Variants in CNTLN observed in about 807,000 individuals in gnomAD.
CNTLN encodes the protein centlein.
CNTLN carries 212 observed loss-of-function variants against 180.0 expected under a neutral mutation model. The observed-to-expected ratio is 1.18, with a 90% CI of 1.05 to 1.32. The LOEUF (loss-of-function observed/expected upper bound fraction) is 1.32, where lower values mean the gene tolerates loss of function less well. Among genes scored for constraint, CNTLN ranks in the 40% most tolerant of loss-of-function variants. The pLI, the probability that CNTLN is intolerant of heterozygous loss-of-function variation, is 0.00. For missense variants in CNTLN, 2,095 were observed against 1,610.9 expected (o/e 1.30, Z -5.14); for synonymous variants, 722 against 563.1 (o/e 1.28, Z -3.99).
the CNTLN span, among the ~76,000 whole-genome samples, chr9:17,516,601 GC>G: frequency 2.0e-5 from 3 of 151,990 alleles, no homozygotes; most frequent in African/African-American, 4.8e-5. Context: ...ATTCTTCTTG[GC>G]CCCCCCTGGA....
At chr9:17,192,155 A>G (rs1821828249) in intron 2 of CNTLN, among the ~76,000 whole-genome samples, 1 of 147,696 alleles carries the variant, frequency 6.8e-6, no homozygotes, top group Admixed American at 6.7e-5. Context: ...TATATTGAGT[A>G]TTTATTATGG....
At chr9:17,462,867 A>C in intron 19 of CNTLN, 49 bp from the exon 20 acceptor site, 2 of 966,126 alleles carry the variant, frequency 2.1e-6, no homozygotes, top group South Asian at 4.1e-5. Flanking sequence ...ATGCTGCCTT[A>C]GACCAAGGTT....
At chr9:17,159,809 T>C (rs1274493106) in intron 2 of CNTLN, among the ~76,000 whole-genome samples, 1 of 152,162 alleles carries the variant, frequency 6.6e-6, no homozygotes, top group Non-Finnish European at 1.5e-5. Flanking sequence ...TCATACTGAT[T>C]GATAGATTTT....
chr9:17,375,068 C>T (rs1824642921), intron 13 of CNTLN, among the ~76,000 whole-genome samples: 1 of 152,108 alleles, frequency 6.6e-6, no homozygotes, highest in Admixed American at 6.5e-5. Context: ...TACATACACA[C>T]AATGGTGTAC....
intron 2 of CNTLN, among the ~76,000 whole-genome samples, chr9:17,215,886 C>T (rs1159000216): frequency 6.6e-6 from 1 of 152,124 alleles, no homozygotes; most frequent in Non-Finnish European, 1.5e-5. Context: ...GTGCCGTATG[C>T]TAAGACCGTT....
intron 2 of CNTLN, among the ~76,000 whole-genome samples, chr9:17,219,880 C>T (rs1824014898): frequency 6.6e-6 from 1 of 152,058 alleles, no homozygotes; most frequent in Non-Finnish European, 1.5e-5. Flanking sequence ...CCTCATATGA[C>T]ACCGAGAGAT....
chr9:17,517,419 A>G, the CNTLN span, among the ~76,000 whole-genome samples: 1 of 151,800 alleles, frequency 6.6e-6, no homozygotes, highest in Non-Finnish European at 1.5e-5. Flanking sequence ...AAAGTTAAAA[A>G]TAAATAAAAA....
chr9:17,233,375 A>C (rs1824928847), intron 3 of CNTLN, among the ~76,000 whole-genome samples: 2 of 152,158 alleles, frequency 1.3e-5, no homozygotes, highest in African/African-American at 2.4e-5. Flanking sequence ...TTTATGAAGC[A>C]TGTCTGTTTT....
chr9:17,475,249 CATT>C (rs1832268280), intron 23 of CNTLN, among the ~76,000 whole-genome samples: 1 of 152,074 alleles, frequency 6.6e-6, no homozygotes, highest in South Asian at 2.1e-4. Flanking sequence ...AAATCTAAAT[CATT>C]ATTGACCTTA....
At chr9:17,349,800 C>T (rs567252949) in intron 12 of CNTLN, among the ~76,000 whole-genome samples, 1 of 152,280 alleles carries the variant, frequency 6.6e-6, no homozygotes, top group South Asian at 2.1e-4. Flanking sequence ...ATTTAATGAG[C>T]ATTCATGTGT....
intron 13 of CNTLN, among the ~76,000 whole-genome samples, chr9:17,369,614 A>G (rs1417313226): frequency 2.0e-5 from 3 of 151,648 alleles, no homozygotes; most frequent in South Asian, 4.2e-4. Flanking sequence ...CTGGAATGAA[A>G]AATGCACTGG....
intron 2 of CNTLN, among the ~76,000 whole-genome samples, chr9:17,213,335 G>A (rs1044160325): frequency 1.3e-5 from 2 of 152,192 alleles, no homozygotes; most frequent in Non-Finnish European, 2.9e-5. Flanking sequence ...TTCAGGAGCA[G>A]GTTGTTCAGT....
chr9:17,262,256 C>G (rs746555885), intron 5 of CNTLN, among the ~76,000 whole-genome samples: 1 of 151,474 alleles, frequency 6.6e-6, no homozygotes, highest in African/African-American at 2.5e-5. Context: ...AATCATTCTA[C>G]TATAAAGACA....
chr9:17,293,220 A>C (rs1413027072), intron 6 of CNTLN, among the ~76,000 whole-genome samples: 2 of 152,242 alleles, frequency 1.3e-5, no homozygotes, highest in East Asian at 3.9e-4. Flanking sequence ...GTTATCTGGC[A>C]ACCCCTGTTG....
At chr9:17,338,892 G>A (rs950240179) in intron 10 of CNTLN, among the ~76,000 whole-genome samples, 1 of 152,112 alleles carries the variant, frequency 6.6e-6, no homozygotes, top group Non-Finnish European at 1.5e-5. Context: ...TATCAACACA[G>A]CATCCTACGT....
intron 2 of CNTLN, among the ~76,000 whole-genome samples, chr9:17,154,140 C>G (rs1234602038): frequency 1.3e-5 from 2 of 152,174 alleles, no homozygotes; most frequent in Admixed American, 6.5e-5. Flanking sequence ...TACCCACCTT[C>G]TGAAGCCTAC....
At chr9:17,219,443 C>T (rs1823987210) in intron 2 of CNTLN, among the ~76,000 whole-genome samples, 1 of 151,992 alleles carries the variant, frequency 6.6e-6, no homozygotes, top group Non-Finnish European at 1.5e-5. Context: ...AAATGTTAGA[C>T]ATCTCATACC....
Position 17,388,243 on chromosome 9 carries a change from C to A in CNTLN, c.2069C>A (p.Thr690Lys). 6.2e-7 allele frequency: 1 copy of A among 1,607,362 alleles called. No homozygotes were observed. Among genetic ancestry groups the A allele is most frequent in the Non-Finnish European group, 8.5e-7 (1 of 1,174,384 alleles). ...EKNGKEMLEQ[T>K]LQKVTELENR... ...AATGGAAAAGAAATGTTGGAGCAGA[C>A]ATTACAGAAGGTAGTCTAATCTTTA... The change falls in exon 14 of 26, where the codon ACA (threonine) becomes AAA (lysine). Residue 690 changes from threonine to lysine, a missense_variant. Coordinates refer to ENST00000380647, the MANE Select transcript of CNTLN (RefSeq NM_017738.4).
chr9:17,502,077 A>G (rs1564157753), intron 25 of CNTLN, among the ~76,000 whole-genome samples: 1 of 152,112 alleles, frequency 6.6e-6, no homozygotes, highest in Admixed American at 6.5e-5. Context: ...TACTTTTGCG[A>G]TTTTTTCCTC....
Sources: allele counts gnomAD v4.1 joint callset (sites outside exome capture counted in the v4.1 genomes callset), GRCh38; gene constraint gnomAD v4.1.1; transcripts MANE v1.5; gene names NCBI Gene and HGNC (gene_info 2026-07-23, HGNC 2026-07-21).